Variants in CAND2 observed in about 807,000 individuals in gnomAD.
CAND2 encodes cullin-associated NEDD8-dissociated protein 2.
In CAND2, 62 loss-of-function variants were observed where a neutral mutation model predicts 98.9. The ratio of observed to expected loss-of-function variants is 0.63; its 90% CI spans 0.51 to 0.77. The LOEUF (loss-of-function observed/expected upper bound fraction) is 0.77, where lower values mean the gene tolerates loss of function less well. Among genes scored for constraint, CAND2 ranks in the 30% least tolerant of loss-of-function variants. The probability of loss-of-function intolerance (pLI) is 0.00; values close to 1 mark genes in which losing one functional copy is unlikely to be tolerated. For missense variants in CAND2, 1,501 were observed against 1,655.2 expected, an observed-to-expected ratio of 0.91 and a Z score of 1.62; for synonymous variants, 770 against 731.9, an observed-to-expected ratio of 1.05 and a Z score of -0.84.
intron 13 of CAND2, among the ~76,000 whole-genome samples, chr3:12,828,719 C>T (rs2062025866): frequency 6.6e-6 from 1 of 152,168 alleles, no homozygotes; most frequent in Non-Finnish European, 1.5e-5. Flanking sequence ...CACCACTGTC[C>T]ATCTCAGAAC....
chr3:12,808,938 G>A (rs1425096781), intron 4 of CAND2, among the ~76,000 whole-genome samples: 1 of 152,102 alleles, frequency 6.6e-6, no homozygotes, highest in Non-Finnish European at 1.5e-5. Context: ...GAGCTGAGGT[G>A]CAGGGCTGGC....
Position 12,815,327 on chromosome 3 carries a change from C to T in CAND2, c.1193C>T (p.Thr398Ile). The change falls in exon 8 of 15, where the codon ACT (threonine) becomes ATT (isoleucine). Residue 398 changes from threonine (T) to isoleucine (I), a missense_variant. Thr to Ile is a moderately conservative substitution (Grantham distance 89). Transcript: ENST00000456430. The surrounding 1 kb of genome is among the most constrained non-coding windows in gnomAD (Gnocchi z 5.7). The part of the protein sequence containing the change: ...REENVKADVF[T>I]AYIVLLRQTQ... ...GAGAACGTCAAGGCTGACGTCTTCA[C>T]TGCTTACATCGTGCTGCTGCGGCAA... 2 of 1,614,008 alleles carry T rather than the reference C, an allele frequency of 1.2e-6. No individual in the cohort carries two copies. The highest frequency in any genetic ancestry group is 1.3e-5 in the African/African-American group (1 of 75,060).
At chr3:12,802,116 A>G (rs1281669552) in intron 1 of CAND2, among the ~76,000 whole-genome samples, 1 of 152,230 alleles carries the variant, frequency 6.6e-6, no homozygotes, top group African/African-American at 2.4e-5. Context: ...TCACGAGGTC[A>G]GGAGATCAAG....
intron 2 of CAND2, among the ~76,000 whole-genome samples, chr3:12,806,928 G>C (rs2061810900): frequency 2.0e-5 from 3 of 152,114 alleles, no homozygotes; most frequent in Admixed American, 2.0e-4. Flanking sequence ...GAGCTTGCTA[G>C]AAATGCACAC....
intron 1 of CAND2, among the ~76,000 whole-genome samples, chr3:12,798,449 C>T (rs1430491057): frequency 6.6e-6 from 1 of 152,178 alleles, no homozygotes; most frequent in Non-Finnish European, 1.5e-5. Context: ...TGCCCCAACA[C>T]CTGTGCTGAG....
At chr3:12,804,599 G>C (rs2061791819) in intron 2 of CAND2, among the ~76,000 whole-genome samples, 1 of 152,132 alleles carries the variant, frequency 6.6e-6, no homozygotes, top group Admixed American at 6.6e-5. Context: ...ACAAGACAAG[G>C]GTATGTGCAG....
In CAND2 at chr3:12,815,941, C is replaced by T; in HGVS notation, c.1374C>T (p.Ser458=). Residue 458 remains serine (S), a synonymous_variant, in exon 9 of 15, where the codon AGC becomes AGT. Transcript: ENST00000456430. The surrounding 1 kb of genome is among the most constrained non-coding windows in gnomAD (Gnocchi z 5.7). ...TCAGAGCCCGCCAGGGATGCTTCAG[C>T]CTCCTCACCGAGCTGGCGGGTGTCC... is the stretch of plus-strand genomic sequence containing the variant. ...RSVRARQGCF[S]LLTELAGVLP... 1 of 1,613,810 alleles carries T rather than the reference C, an allele frequency of 6.2e-7. No individual in the cohort carries two copies. The highest frequency in any genetic ancestry group is 8.5e-7 in the Non-Finnish European group (1 of 1,179,914).
Position 12,816,490 on chromosome 3 carries a change from C to G in CAND2, c.1558C>G (p.Pro520Ala). Residue 520 changes from proline to alanine, a missense_variant, in exon 10 of 15, where the codon CCT (proline) becomes GCT (alanine). This residue lies in a region of CAND2 where 1,427 missense variants were observed against 1,545.3 expected (regional missense o/e 0.92). Coordinates refer to ENST00000456430, the MANE Select transcript of CAND2 (RefSeq NM_001162499.2). The part of the protein sequence containing the change: ...EPAEAFHPHL[P>A]ILLPPVMACV... ...AGCTGAGGCCTTCCACCCACACTTG[C>G]CTATCCTCCTGCCACCTGTGATGGC... 6.2e-7 allele frequency: 1 copy of G among 1,614,044 alleles called. No individual in the cohort carries two copies. The highest frequency in any genetic ancestry group is 8.5e-7 in the Non-Finnish European group (1 of 1,179,988).
At chr3:12,823,656 G>A (rs2061976773) in intron 11 of CAND2, among the ~76,000 whole-genome samples, 1 of 152,180 alleles carries the variant, frequency 6.6e-6, no homozygotes, top group African/African-American at 2.4e-5. Flanking sequence ...CGTGAACCCG[G>A]GAGGCAGAGC....
intron 11 of CAND2, among the ~76,000 whole-genome samples, chr3:12,821,028 G>T (rs1156323773): frequency 6.6e-6 from 1 of 152,178 alleles, no homozygotes; most frequent in African/African-American, 2.4e-5. Flanking sequence ...GAGGTCAGGA[G>T]TTCAAGACCA....
intron 1 of CAND2, among the ~76,000 whole-genome samples, chr3:12,801,145 C>A (rs1222923966): frequency 6.7e-6 from 1 of 149,358 alleles, no homozygotes. Context: ...TCAAGTGATT[C>A]ACCTGCCTCA....
intron 2 of CAND2, among the ~76,000 whole-genome samples, chr3:12,805,180 T>TG (rs2061796998): frequency 3.9e-5 from 6 of 152,174 alleles, no homozygotes; most frequent in Admixed American, 2.6e-4. Flanking sequence ...GAAGCCTGCA[T>TG]CTACACGTGA....
At chr3:12,825,861 C>T (rs751167550) in intron 12 of CAND2, among the ~76,000 whole-genome samples, 6 of 152,202 alleles carry the variant, frequency 3.9e-5, no homozygotes, top group African/African-American at 9.7e-5. Flanking sequence ...ATTGTGTCTG[C>T]GTCATAGGGT....
At chr3:12,803,193 CA>C (rs2061779240) in intron 1 of CAND2, among the ~76,000 whole-genome samples, 1 of 152,080 alleles carries the variant, frequency 6.6e-6, no homozygotes, top group Non-Finnish European at 1.5e-5. Context: ...TGGGTTTCAC[CA>C]TGTTAGCCAG....
rs2061815604 is a variant in CAND2, at chr3:12,807,438, G to A, written c.345G>A (p.Ser115=). The stretch of plus-strand genomic sequence containing the variant: ...GCATTGGCCTCAAGACCGTCCTCTC[G>A]GAGCTCCCTCCTGCAGCCACAGGTA... ...IAGIGLKTVL[S]ELPPAATGSG... is the part of the protein sequence containing the mutation. Residue 115 remains serine, a synonymous_variant, in exon 3 of 15, where the codon TCG becomes TCA. Coordinates refer to ENST00000456430, the MANE Select transcript of CAND2 (RefSeq NM_001162499.2). 6.4e-6 allele frequency: 10 copies of A among 1,551,436 alleles called. No homozygotes were observed. The highest frequency in any genetic ancestry group is 1.4e-5 in the African/African-American group (1 of 73,022).
chr3:12,820,733 T>G (rs1047051606), intron 11 of CAND2, among the ~76,000 whole-genome samples: 8 of 151,966 alleles, frequency 5.3e-5, no homozygotes, highest in Admixed American at 2.6e-4. Flanking sequence ...GACCACTGGG[T>G]TTTTCCTAGG....
intron 1 of CAND2, among the ~76,000 whole-genome samples, chr3:12,803,005 T>C (rs1007882734): frequency 7.9e-5 from 12 of 151,308 alleles, no homozygotes; most frequent in Non-Finnish European, 1.5e-4. Context: ...TTTTTTTTTT[T>C]TGGAGACGGA....
intron 1 of CAND2, among the ~76,000 whole-genome samples, chr3:12,803,013 G>T (rs1389685788): frequency 7.4e-6 from 1 of 135,518 alleles, no homozygotes; most frequent in Non-Finnish European, 1.6e-5. Flanking sequence ...TTTTGGAGAC[G>T]GAGTCTCTCT....
chr3:12,804,643 C>G (rs573086822), intron 2 of CAND2, among the ~76,000 whole-genome samples: 241 of 152,316 alleles, frequency 1.6e-3, no homozygotes, highest in Non-Finnish European at 3.0e-3. Flanking sequence ...TAGGGTCATT[C>G]TCACACCCAC....
Sources: gnomAD v4.1 joint callset for allele counts (sites outside exome capture counted in the v4.1 genomes callset) on GRCh38, gnomAD v4.1.1 for gene constraint, gnomAD v4.1.1 regional missense constraint, Gnocchi (gnomAD v3.1) non-coding constraint, MANE v1.5 for transcripts, NCBI Gene and HGNC (gene_info 2026-07-23, HGNC 2026-07-21) for gene names.